CACNA1G: variants seen among roughly 807,000 people sequenced by gnomAD.
CACNA1G encodes the protein voltage-dependent T-type calcium channel subunit alpha-1G.
In CACNA1G, 67 loss-of-function variants were observed where a neutral mutation model predicts 219.4. The observed-to-expected ratio is 0.31, with a 90% CI of 0.25 to 0.37. CACNA1G has a LOEUF of 0.37. CACNA1G is among the 10% of genes least tolerant of loss of function. CACNA1G has a pLI of 1.00. For synonymous variants in CACNA1G, 1,296 were observed against 1,345.3 expected, an observed-to-expected ratio of 0.96 and a Z score of 0.80; for missense variants, 2,380 against 3,231.4, an observed-to-expected ratio of 0.74 and a Z score of 6.39.
intron 9 of CACNA1G, among the ~76,000 whole-genome samples, chr17:50,585,685 G>A (rs2042861449): frequency 6.6e-6 from 1 of 152,126 alleles, no homozygotes; most frequent in South Asian, 2.1e-4. Flanking sequence ...CCGGGGGCTG[G>A]GGAAGACCAG....
chr17:50,620,082 A>T (rs2051446267), intron 34 of CACNA1G, among the ~76,000 whole-genome samples: 1 of 142,110 alleles, frequency 7.0e-6, no homozygotes, highest in African/African-American at 2.7e-5. Flanking sequence ...GAGCTTGGGG[A>T]GGGGAGAGGG....
At chr17:50,604,004 G>T in intron 21 of CACNA1G, 151 bp from the exon 22 acceptor site, 1 of 668,158 alleles carries the variant, frequency 1.5e-6, no homozygotes, top group South Asian at 3.1e-5. Flanking sequence ...GGTCCTGATG[G>T]CAGGGGTCCC....
At chr17:50,575,172 G>A (rs555513324) in intron 7 of CACNA1G, among the ~76,000 whole-genome samples, 81 of 152,292 alleles carry the variant, frequency 5.3e-4, no homozygotes, top group African/African-American at 1.9e-3. Context: ...TGGAAATTGC[G>A]GAAGGGGTGC....
At chr17:50,564,518 G>T (rs1399435481) in intron 1 of CACNA1G, among the ~76,000 whole-genome samples, 1 of 140,164 alleles carries the variant, frequency 7.1e-6, no homozygotes, top group Non-Finnish European at 1.5e-5. Flanking sequence ...GGGGAGGAGA[G>T]GGGGGGGAGG....
intron 23 of CACNA1G, chr17:50,606,497 T>C: frequency 5.2e-6 from 3 of 575,118 alleles, no homozygotes; most frequent in Non-Finnish European, 6.2e-6. Context: ...ATGATGTGTA[T>C]ATTTCTTTAA....
chr17:50,565,275 CCTTT>C (rs1284823149), intron 1 of CACNA1G, among the ~76,000 whole-genome samples: 1 of 151,934 alleles, frequency 6.6e-6, no homozygotes, highest in Admixed American at 6.6e-5. Flanking sequence ...GAGCCGGCTG[CCTTT>C]CTGTGAGCTT....
chr17:50,622,340 G>C (rs1178431572), intron 35 of CACNA1G, among the ~76,000 whole-genome samples: 1 of 152,002 alleles, frequency 6.6e-6, no homozygotes, highest in African/African-American at 2.4e-5. Flanking sequence ...ACTCAGTGGG[G>C]TGAATGGGGC....
chr17:50,586,957 A>G (rs1200017776), intron 9 of CACNA1G, among the ~76,000 whole-genome samples: 1 of 151,964 alleles, frequency 6.6e-6, no homozygotes, highest in African/African-American at 2.4e-5. Flanking sequence ...GAGACCTGGG[A>G]CCTCTGGGTG....
rs371850770 is a variant in CACNA1G at position 50,618,209 on chromosome 17, C to T, written c.5306-13C>T. 6 of 1,613,078 alleles carry T rather than the reference C, an allele frequency of 3.7e-6. No individual in the cohort carries two copies. Among genetic ancestry groups the T allele is most frequent in the Non-Finnish European group, 5.1e-6 (6 of 1,179,296 alleles). ...ACTAACATGGGCCTCTCCCCCTTTCCCTCCTCCCCCAGAGTGTGACGAGAC... is the reference window on the plus strand; with the variant it reads ...ACTAACATGGGCCTCTCCCCCTTTCTCTCCTCCCCCAGAGTGTGACGAGAC... On this transcript the variant is annotated splice_polypyrimidine_tract_variant and intron_variant, in intron 31 of 37. Coordinates refer to ENST00000359106, the MANE Select transcript of CACNA1G (RefSeq NM_018896.5). This position sits in a 1 kb window ranked among gnomAD's most constrained non-coding sequence, Gnocchi z 5.3.
intron 9 of CACNA1G, among the ~76,000 whole-genome samples, chr17:50,586,446 A>G (rs558230196): frequency 6.6e-6 from 1 of 151,898 alleles, no homozygotes; most frequent in Non-Finnish European, 1.5e-5. Context: ...GACACCCTCC[A>G]TGGACATCCT....
At chr17:50,625,550 C>T (rs963746010) in intron 37 of CACNA1G, among the ~76,000 whole-genome samples, 3 of 152,136 alleles carry the variant, frequency 2.0e-5, no homozygotes, top group Non-Finnish European at 4.4e-5. Context: ...GGGAAGGGGT[C>T]GGTTTTACTT....
intron 7 of CACNA1G, 39 bp downstream of exon 7, chr17:50,573,152 C>A: frequency 7.0e-7 from 1 of 1,435,672 alleles, no homozygotes. Context: ...ATGGGCGATC[C>A]TGGGGACACC....
At chr17:50,594,053 G>C (rs1265033657) in intron 13 of CACNA1G, among the ~76,000 whole-genome samples, 2 of 152,222 alleles carry the variant, frequency 1.3e-5, no homozygotes, top group African/African-American at 4.8e-5. Context: ...AACCCACCTT[G>C]GCAGAGGAAG....
chr17:50,605,946 A>T lies in CACNA1G; in HGVS notation c.4345A>T (p.Ile1449Phe). Residue 1449 changes from isoleucine to phenylalanine, a missense_variant, in exon 23 of 38, where the codon ATC becomes TTC. Ile to Phe is a conservative substitution (Grantham distance 21). This residue lies in a region of CACNA1G where 153 missense variants were observed against 374.9 expected (regional missense o/e 0.41). Coordinates refer to ENST00000359106, the MANE Select transcript of CACNA1G (RefSeq NM_018896.5). ...FVCQGEDTRN[I>F]TNKSDCAEAS... is the part of the protein sequence containing the mutation. ...GTGCCAGGGCGAGGATACCAGGAACATCACCAATAAATCGGACTGTGCCGA... is the reference window on the plus strand; with the variant it reads ...GTGCCAGGGCGAGGATACCAGGAACTTCACCAATAAATCGGACTGTGCCGA... The T allele has an allele frequency of 6.2e-7, 1 of 1,613,728 alleles. No homozygotes were observed. The highest frequency in any genetic ancestry group is 8.5e-7 in the Non-Finnish European group (1 of 1,179,876).
chr17:50,573,279 A>G, intron 7 of CACNA1G, 166 bp downstream of exon 7: 2 of 607,548 alleles, frequency 3.3e-6, no homozygotes, highest in South Asian at 2.0e-5. Flanking sequence ...ATGCAGAGTC[A>G]GGAGGAAATC....
chr17:50,601,028 C>A, intron 18 of CACNA1G, 23 bp from the exon 19 acceptor site: 1 of 1,611,456 alleles, frequency 6.2e-7, no homozygotes, highest in Non-Finnish European at 8.5e-7. Context: ...CCCCTCTCAG[C>A]CGTTGCCTCC....
Position 50,591,722 on chromosome 17 carries a change from C to T in CACNA1G, c.2640-17C>T, listed in dbSNP as rs375887010. Reference sequence around the variant, plus strand: ...CTGGGCTCTGATCCCTAGCTTGTGGCCCCCTTGTGCCCACAGCATCCTGGG... The same window carrying T: ...CTGGGCTCTGATCCCTAGCTTGTGGTCCCCTTGTGCCCACAGCATCCTGGG... On this transcript the variant is annotated splice_polypyrimidine_tract_variant and intron_variant, in intron 11 of 37. Transcript: ENST00000359106. The T allele has an allele frequency of 3.1e-6, 5 of 1,611,248 alleles. No individual in the cohort carries two copies. Among genetic ancestry groups the T allele is most frequent in the Admixed American group, 1.7e-5 (1 of 59,982 alleles).
chr17:50,602,308 AG>A (rs1197453658), intron 19 of CACNA1G, among the ~76,000 whole-genome samples: 4 of 152,188 alleles, frequency 2.6e-5, no homozygotes, highest in Non-Finnish European at 5.9e-5. Context: ...CACAGATGCC[AG>A]GGAACTAGAT....
Position 50,621,938 on chromosome 17 carries a change from C to A in CACNA1G, c.6060+144C>A. 1 of 804,130 alleles carries A rather than the reference C, an allele frequency of 1.2e-6. No individual in the cohort carries two copies. The highest frequency in any genetic ancestry group is 2.0e-6 in the Non-Finnish European group (1 of 511,046). 49.8% of individuals were successfully genotyped at this position (804,130 alleles called of 1,614,324 possible). A position where few individuals can be genotyped will look rare whatever the true frequency, so the allele number is the denominator to read the frequency against. On this transcript the variant is annotated intron_variant, in intron 35 of 37. Transcript: ENST00000359106. The surrounding 1 kb of genome is among the most constrained non-coding windows in gnomAD (Gnocchi z 4.6). ...CACCCAGAGGCATCAACTGTCAGGACCTCGGTGGCCCACGCTTTGCTGGCA... is the reference window on the plus strand; with the variant it reads ...CACCCAGAGGCATCAACTGTCAGGAACTCGGTGGCCCACGCTTTGCTGGCA...
Sources: allele counts gnomAD v4.1 joint callset (sites outside exome capture counted in the v4.1 genomes callset), GRCh38; gene constraint gnomAD v4.1.1; regional missense constraint gnomAD v4.1.1; non-coding constraint Gnocchi (gnomAD v3.1); transcripts MANE v1.5; gene names NCBI Gene and HGNC (gene_info 2026-07-23, HGNC 2026-07-21).